TBX15: variants seen among roughly 807,000 people sequenced by gnomAD.
TBX15 encodes T-box transcription factor 15, also known as T-box transcription factor TBX15.
A neutral mutation model predicts 53.9 loss-of-function variants in TBX15; 18 were observed. The observed-to-expected ratio is 0.33, with a 90% CI of 0.23 to 0.49. TBX15 has a LOEUF of 0.49. TBX15 is among the 20% of genes least tolerant of loss of function. TBX15 has a pLI of 0.98. For missense variants in TBX15, 692 were observed against 749.5 expected, an observed-to-expected ratio of 0.92 and a Z score of 0.90; for synonymous variants, 295 against 278.0, an observed-to-expected ratio of 1.06 and a Z score of -0.61.
chr1:118,911,959 A>AATGCATACATTG (rs1655041952), intron 6 of TBX15, among the ~76,000 whole-genome samples: 1 of 152,240 alleles, frequency 6.6e-6, no homozygotes, highest in Non-Finnish European at 1.5e-5. Flanking sequence ...TGCATTTATC[A>AATGCATACATTG]ATAATTGACA....
chr1:118,988,639 G>C (rs1434453414), upstream of TBX15, among the ~76,000 whole-genome samples: 1 of 152,148 alleles, frequency 6.6e-6, no homozygotes, highest in Non-Finnish European at 1.5e-5. Flanking sequence ...AGATCTGCTG[G>C]TCTCATAGAC....
In TBX15 at chr1:118,885,074, G is replaced by A. The variant is rs768797341; in HGVS notation, c.1467C>T (p.Ser489=). ...CCCCGAACATGTGTGGTGATGAGGA[G>A]CTGGAGGCAGCATTGCCTGCCTGCA... ...YVMQAGNAAS[S]SSSPHMFGGS... The change falls in exon 8 of 8, where the codon AGC becomes AGT. Residue 489 remains serine (S), a synonymous_variant. Transcript: ENST00000369429. 2.5e-6 allele frequency: 4 copies of A among 1,614,064 alleles called. No individual in the cohort carries two copies. The South Asian group carries it at 3.3e-5, about 13-fold the overall frequency.
intron 3 of TBX15, among the ~76,000 whole-genome samples, chr1:118,925,175 A>G (rs1655553813): frequency 6.6e-6 from 1 of 152,206 alleles, no homozygotes; most frequent in Admixed American, 6.5e-5. Flanking sequence ...TCACATGTCT[A>G]GCTATAGAAA....
At position 118,987,592 on chromosome 1, in the gene TBX15, C is replaced by T. The variant is rs1393633662; in HGVS notation, c.204G>A (p.Pro68=). The stretch of plus-strand genomic sequence containing the variant: ...CGCGGTCGGCTGCGACGCACTCACC[C>T]GGGTGAGGCTCCAGGCCGTGTGCCG... ...DAAAHGLEPH[P]DSEQSTGSDS... The change falls in exon 1 of 8, where the codon CCG becomes CCA. Residue 68 remains proline (P), a splice_region_variant and synonymous_variant. Transcript: ENST00000369429. 6.5e-7 allele frequency: 1 copy of T among 1,545,992 alleles called. No individual in the cohort carries two copies. The highest frequency in any genetic ancestry group is 2.0e-5 in the Admixed American group (1 of 50,940).
chr1:118,885,343 G>C lies in TBX15; in HGVS notation c.1198C>G (p.Pro400Ala), dbSNP rs145519486. 2 of 1,614,036 alleles carry C rather than the reference G, an allele frequency of 1.2e-6. No homozygotes were observed. The highest frequency in any genetic ancestry group is 1.7e-6 in the Non-Finnish European group (2 of 1,180,036). The change falls in exon 8 of 8, where the codon CCA becomes GCA. Residue 400 changes from proline (P) to alanine (A), a missense_variant. By Grantham distance (27) the Pro-to-Ala change is conservative (BLOSUM62 -1). Around this residue, in one of 3 missense-constraint regions of TBX15, gnomAD observed 375 missense variants for 371.6 expected, o/e 1.01. Coordinates refer to ENST00000369429, the MANE Select transcript of TBX15 (RefSeq NM_001330677.2). ...QLCNLNLSDY[P>A]PCARSNMAAL... ...GCCATGTTGCTTCGGGCACATGGTG[G>C]ATAATCAGAGAGGTTTAGATTACAC...
intron 1 of TBX15, among the ~76,000 whole-genome samples, chr1:118,983,053 G>A (rs1471249907): frequency 2.6e-5 from 4 of 152,238 alleles, no homozygotes; most frequent in African/African-American, 9.6e-5. Context: ...GAGGTGCAGA[G>A]GTGGACGCCA....
chr1:118,976,179 T>C (rs1432895011), intron 1 of TBX15, among the ~76,000 whole-genome samples: 2 of 152,200 alleles, frequency 1.3e-5, no homozygotes, highest in Non-Finnish European at 2.9e-5. Flanking sequence ...GCCGTAAACA[T>C]GGCAAAACAG....
chr1:118,920,565 T>C (rs1655392855), intron 5 of TBX15, among the ~76,000 whole-genome samples: 2 of 152,150 alleles, frequency 1.3e-5, no homozygotes, highest in Admixed American at 6.6e-5. Context: ...GAGGACATTA[T>C]TGGAAAGACT....
chr1:118,917,730 TTC>T (rs929146921), intron 5 of TBX15, among the ~76,000 whole-genome samples: 1 of 152,198 alleles, frequency 6.6e-6, no homozygotes, highest in Non-Finnish European at 1.5e-5. Context: ...CTTTCTTCCA[TTC>T]TCGTCCCTGT....
At chr1:118,907,749 CA>C (rs953399067) in intron 6 of TBX15, among the ~76,000 whole-genome samples, 3 of 152,136 alleles carry the variant, frequency 2.0e-5, no homozygotes, top group African/African-American at 7.2e-5. Flanking sequence ...GCAGGTTCCC[CA>C]TTGGGGTGGC....
intron 1 of TBX15, among the ~76,000 whole-genome samples, chr1:118,972,472 T>C (rs1417402589): frequency 6.6e-6 from 1 of 152,104 alleles, no homozygotes; most frequent in African/African-American, 2.4e-5. Context: ...AATAATGGCA[T>C]GGAAGAGGAG....
rs764368489 is a variant in TBX15 at position 118,931,755 on chromosome 1, G to A, written c.283C>T (p.Leu95=). The A allele has an allele frequency of 1.2e-6, 2 of 1,613,142 alleles. No individual in the cohort carries two copies. The highest frequency in any genetic ancestry group is 2.7e-5 in the African/African-American group (2 of 74,926). Residue 95 remains leucine, a synonymous_variant, in exon 2 of 8, where the codon CTG becomes TTG. Coordinates refer to ENST00000369429, the MANE Select transcript of TBX15 (RefSeq NM_001330677.2). ...TSCSFSTHTD[L]ASGAAGPVPA... ...ACAGGGCCTGCAGCACCAGAGGCCAGGTCAGTGTGAGTACTGAAGGAGCAG... is the reference window on the plus strand; with the variant it reads ...ACAGGGCCTGCAGCACCAGAGGCCAAGTCAGTGTGAGTACTGAAGGAGCAG...
chr1:118,920,894 CAGG>C (rs1395954720), intron 5 of TBX15, among the ~76,000 whole-genome samples: 1 of 152,072 alleles, frequency 6.6e-6, no homozygotes, highest in Non-Finnish European at 1.5e-5. Context: ...TTAGCAGAAA[CAGG>C]AGGTTTAACA....
chr1:118,968,918 C>T (rs1417975051), intron 1 of TBX15, among the ~76,000 whole-genome samples: 1 of 152,162 alleles, frequency 6.6e-6, no homozygotes, highest in Non-Finnish European at 1.5e-5. Context: ...ACTTCAGCTT[C>T]TTTGAAAAGT....
At chr1:118,980,256 G>C (rs1657602720) in intron 1 of TBX15, among the ~76,000 whole-genome samples, 3 of 152,172 alleles carry the variant, frequency 2.0e-5, no homozygotes, top group Admixed American at 6.5e-5. Context: ...CACGCTCCCA[G>C]CTGTGGGATA....
At position 118,883,654 on chromosome 1, in the gene TBX15, G is replaced by A. The variant is rs1653807660; in HGVS notation, c.*1078C>T. On this transcript the variant is annotated 3_prime_UTR_variant, in exon 8 of 8. Transcript: ENST00000369429. The stretch of plus-strand genomic sequence containing the variant: ...TTTATTTTCCTTCCCCTACCAGGCT[G>A]CATGCTGTGGAATCAGCACTTCCCA... 1 of 152,134 alleles carries A rather than the reference G, an allele frequency of 6.6e-6. No homozygotes were observed. The highest frequency in any genetic ancestry group is 1.5e-5 in the Non-Finnish European group (1 of 68,068). The allele number at this position is 152,134 out of a possible 1,614,324, so 9.4% of individuals were successfully genotyped here.
At chr1:118,901,478 C>A in intron 6 of TBX15, 2 of 451,072 alleles carry the variant, frequency 4.4e-6, no homozygotes, top group South Asian at 3.2e-5. Context: ...CAAACCATAG[C>A]AGTTTCATTT....
intron 2 of TBX15, among the ~76,000 whole-genome samples, chr1:118,931,181 C>T (rs571647440): frequency 1.8e-4 from 27 of 152,294 alleles, no homozygotes; most frequent in Admixed American, 1.5e-3. Context: ...TCAACAGGCT[C>T]AGAATATGCA....
intron 6 of TBX15, among the ~76,000 whole-genome samples, chr1:118,908,760 T>TCA (rs1313583284): frequency 5.3e-5 from 8 of 151,630 alleles, no homozygotes; most frequent in Admixed American, 2.0e-4. Context: ...TCTCTCTCTC[T>TCA]CTCACACACA....
Sources: allele counts gnomAD v4.1 joint callset (sites outside exome capture counted in the v4.1 genomes callset), GRCh38; gene constraint gnomAD v4.1.1; regional missense constraint gnomAD v4.1.1; transcripts MANE v1.5; gene names NCBI Gene and HGNC (gene_info 2026-07-23, HGNC 2026-07-21).